STAT4: variants seen among roughly 807,000 people sequenced by gnomAD.
STAT4 encodes the protein signal transducer and activator of transcription 4.
A neutral mutation model predicts 110.5 loss-of-function variants in STAT4; 42 were observed. That is an observed-to-expected ratio of 0.38 (90% CI 0.30 to 0.49). STAT4 has a LOEUF of 0.49. Among genes scored for constraint, STAT4 ranks in the 20% least tolerant of loss-of-function variants. STAT4 has a pLI of 0.95. For missense variants in STAT4, 632 were observed against 887.9 expected (o/e 0.71, Z 3.66); for synonymous variants, 284 against 302.2 (o/e 0.94, Z 0.63).
At position 191,053,026 on chromosome 2, in the gene STAT4, A is replaced by T. The variant is rs1171726401; in HGVS notation, c.1251+1464T>A. The stretch of plus-strand genomic sequence containing the variant: ...TGATGTTTGGCAAATGATCTTTAAG[A>T]CACAATTAAGGGAATGAAGAATTCT... On this transcript the variant is annotated intron_variant, in intron 14 of 23. Coordinates refer to ENST00000392320, the MANE Select transcript of STAT4 (RefSeq NM_003151.4). The surrounding 1 kb of genome is among the most constrained non-coding windows in gnomAD (Gnocchi z 4.5). 1.3e-5 allele frequency among the ~76,000 whole-genome samples: 2 copies of T among 152,194 alleles called. No individual in the cohort carries two copies. Among genetic ancestry groups the T allele is most frequent in the African/African-American group, 4.8e-5 (2 of 41,440 alleles).
rs569711121 is a variant in STAT4, at chr2:191,136,762, A to G, written c.273+9851T>C. On this transcript the variant is annotated intron_variant, in intron 3 of 23. Coordinates refer to ENST00000392320, the MANE Select transcript of STAT4 (RefSeq NM_003151.4). ...AGAGTGAGACTCTGTATCAAAAAAGAAAAATTTGTCCTTCTTTGCTGATGA... is the reference window on the plus strand; with the variant it reads ...AGAGTGAGACTCTGTATCAAAAAAGGAAAATTTGTCCTTCTTTGCTGATGA... 3.3e-5 allele frequency among the ~76,000 whole-genome samples: 5 copies of G among 152,294 alleles called. 1 individual carries two copies. The South Asian group carries it at 1.0e-3, about 32-fold the overall frequency.
chr2:191,148,373 C>A (rs1057095783), intron 1 of STAT4, among the ~76,000 whole-genome samples, 169 bp from the exon 2 acceptor site: 2 of 151,998 alleles, frequency 1.3e-5, no homozygotes, highest in East Asian at 3.8e-4. Flanking sequence ...ATGAAGGGAG[C>A]AGCCTTCTTT....
rs1696141814 is a variant in STAT4, at chr2:191,039,892, GA to G, written c.1336-596del. 6.6e-6 allele frequency among the ~76,000 whole-genome samples: 1 copy of G among 152,150 alleles called. No homozygotes were observed. The highest frequency in any genetic ancestry group is 1.5e-5 in the Non-Finnish European group (1 of 68,034). On this transcript the variant is annotated intron_variant, in intron 15 of 23. Transcript: ENST00000392320. This position sits in a 1 kb window ranked among gnomAD's most constrained non-coding sequence, Gnocchi z 4.7. Reference sequence around the variant, plus strand: ...AACAGGCTTTTACAAATTAGCTTGGGAAACTAATCAACTTACAGTACTCTTT... The same window carrying G: ...AACAGGCTTTTACAAATTAGCTTGGGAACTAATCAACTTACAGTACTCTTT...
Position 191,115,388 on chromosome 2 carries a change from A to G in STAT4, c.273+31225T>C, listed in dbSNP as rs182806445. On this transcript the variant is annotated intron_variant, in intron 3 of 23. Coordinates refer to ENST00000392320, the MANE Select transcript of STAT4 (RefSeq NM_003151.4). ...TCTTTGGAGGTTAGGAATGGATCCA[A>G]TGAAATAAAGCAACCTTGGTGTCTC... Among the ~76,000 whole-genome samples, 46 of 152,334 alleles carry G rather than the reference A, an allele frequency of 3.0e-4. No individual in the cohort carries two copies. In the East Asian group the frequency reaches 8.1e-3, roughly 27 times the overall value.
At chr2:191,055,926 T>A (rs915921890) in intron 13 of STAT4, among the ~76,000 whole-genome samples, 2 of 152,212 alleles carry the variant, frequency 1.3e-5, no homozygotes, top group African/African-American at 4.8e-5. Flanking sequence ...TTGTTGAAAG[T>A]TCCTGGATGG....
chr2:191,114,673 A>G (rs1420812312), intron 3 of STAT4, among the ~76,000 whole-genome samples: 2 of 152,142 alleles, frequency 1.3e-5, no homozygotes, highest in Non-Finnish European at 2.9e-5. Context: ...TTTGTCTATA[A>G]TCAAAGCACT....
chr2:191,029,603 G>T lies in STAT4; in HGVS notation c.*237C>A. The T allele has an allele frequency of 1.9e-6, 1 of 513,274 alleles. No homozygotes were observed. The highest frequency in any genetic ancestry group is 3.4e-6 in the Non-Finnish European group (1 of 296,086). The allele number at this position is 513,274 out of a possible 1,614,324, so 31.8% of individuals were successfully genotyped here. A position where few individuals can be genotyped will look rare whatever the true frequency, so the allele number is the denominator to read the frequency against. ...TTCTGTTAATATTGTTATTAACACT[G>T]GTTTCTTAAAGTTGTCTTATCTTGC... On this transcript the variant is annotated 3_prime_UTR_variant, in exon 24 of 24. Transcript: ENST00000392320. The surrounding 1 kb of genome is among the most constrained non-coding windows in gnomAD (Gnocchi z 4.5).
chr2:191,125,247 G>A (rs1268688351), intron 3 of STAT4, among the ~76,000 whole-genome samples: 1 of 152,098 alleles, frequency 6.6e-6, no homozygotes, highest in African/African-American at 2.4e-5. Flanking sequence ...CAGATTAAAC[G>A]ATAGAAATCA....
Position 191,061,652 on chromosome 2 carries a change from T to C in STAT4, c.1034+77A>G. ...AAGAACAGCTGAATGCAAGCCACAA[T>C]GAGAGAAATTGGCCTTGATCATCCA... On this transcript the variant is annotated intron_variant, in intron 10 of 23. Coordinates refer to ENST00000392320, the MANE Select transcript of STAT4 (RefSeq NM_003151.4). This position sits in a 1 kb window ranked among gnomAD's most constrained non-coding sequence, Gnocchi z 6.2. 7.6e-7 allele frequency: 1 copy of C among 1,307,530 alleles called. No homozygotes were observed. Among genetic ancestry groups the C allele is most frequent in the Non-Finnish European group, 1.1e-6 (1 of 901,918 alleles). The allele number at this position is 1,307,530 out of a possible 1,614,324, so 81.0% of individuals were successfully genotyped here.
At chr2:191,064,364 C>A (rs1469532881) in intron 8 of STAT4, among the ~76,000 whole-genome samples, 1 of 152,172 alleles carries the variant, frequency 6.6e-6, no homozygotes, top group African/African-American at 2.4e-5. Context: ...CAATGGATCT[C>A]TTGAACTTAT....
In STAT4 at chr2:191,059,188, T is replaced by G. The variant is rs1383692065; in HGVS notation, c.1035-419A>C. Among the ~76,000 whole-genome samples the G allele has an allele frequency of 6.6e-6, 1 of 152,232 alleles. No individual in the cohort carries two copies. The highest frequency in any genetic ancestry group is 1.9e-4 in the East Asian group (1 of 5,206). The stretch of plus-strand genomic sequence containing the variant: ...TTTGTGAGCTTTAATGATAAGTGTT[T>G]TATGGTGAACATACTAAGACAGAAC... On this transcript the variant is annotated intron_variant, in intron 10 of 23. Coordinates refer to ENST00000392320, the MANE Select transcript of STAT4 (RefSeq NM_003151.4). This position sits in a 1 kb window ranked among gnomAD's most constrained non-coding sequence, Gnocchi z 4.7.
chr2:191,074,709 C>T (rs1482868154), intron 4 of STAT4, among the ~76,000 whole-genome samples: 1 of 152,118 alleles, frequency 6.6e-6, no homozygotes, highest in Non-Finnish European at 1.5e-5. Context: ...CTAAATCAAA[C>T]TATATGTACT....
At chr2:191,100,603 C>A (rs910574668) in intron 3 of STAT4, among the ~76,000 whole-genome samples, 3 of 152,118 alleles carry the variant, frequency 2.0e-5, no homozygotes, top group Non-Finnish European at 4.4e-5. Context: ...GTTTTGGCTT[C>A]CATGACTATT....
At chr2:191,115,691 T>C (rs1484346373) in intron 3 of STAT4, among the ~76,000 whole-genome samples, 2 of 152,218 alleles carry the variant, frequency 1.3e-5, no homozygotes, top group African/African-American at 4.8e-5. Flanking sequence ...CCATAGCTTG[T>C]TTCCAATGAG....
rs372874282 is a variant in STAT4 at position 191,035,399 on chromosome 2, T to G, written c.1570+765A>C. Among the ~76,000 whole-genome samples, 21 of 152,356 alleles carry G rather than the reference T, an allele frequency of 1.4e-4. No homozygotes were observed. The highest frequency in any genetic ancestry group is 4.8e-4 in the African/African-American group (20 of 41,576). On this transcript the variant is annotated intron_variant, in intron 17 of 23. Transcript: ENST00000392320. This position sits in a 1 kb window ranked among gnomAD's most constrained non-coding sequence, Gnocchi z 4.7. Reference sequence around the variant, plus strand: ...GCAAGTGGCAAGCATCCCAGCACCATGTGAGTCAAGCTTAAATCACACATG... The same window carrying G: ...GCAAGTGGCAAGCATCCCAGCACCAGGTGAGTCAAGCTTAAATCACACATG...
intron 5 of STAT4, among the ~76,000 whole-genome samples, chr2:191,070,584 TTTC>T (rs1311421620): frequency 6.6e-6 from 1 of 152,226 alleles, no homozygotes; most frequent in Non-Finnish European, 1.5e-5. Flanking sequence ...TGTACTTCCT[TTTC>T]TTCTTAGAAA....
At chr2:191,097,116 A>G (rs939588794) in intron 3 of STAT4, among the ~76,000 whole-genome samples, 1 of 152,236 alleles carries the variant, frequency 6.6e-6, no homozygotes, top group African/African-American at 2.4e-5. Flanking sequence ...CGACGAAATA[A>G]AAGAGAACAC....
rs376603269 is a variant in STAT4 at position 191,049,268 on chromosome 2, G to A, written c.1251+5222C>T. Among the ~76,000 whole-genome samples, 40 of 145,386 alleles carry A rather than the reference G, an allele frequency of 2.8e-4. No homozygotes were observed. In the South Asian group the frequency reaches 3.1e-3, roughly 11 times the overall value. ...CAGCTCACTGCAAGCTCTGCCTCCC[G>A]GGTTCATGCCATTCTCTTGCCTCAG... is the stretch of plus-strand genomic sequence containing the variant. On this transcript the variant is annotated intron_variant, in intron 14 of 23. Transcript: ENST00000392320.
At chr2:191,128,358 T>C (rs554062620) in intron 3 of STAT4, among the ~76,000 whole-genome samples, 1 of 152,162 alleles carries the variant, frequency 6.6e-6, no homozygotes, top group South Asian at 2.1e-4. Flanking sequence ...GTGTGGTGTA[T>C]AGAGGGGAAG....
Sources: allele counts gnomAD v4.1 joint callset (sites outside exome capture counted in the v4.1 genomes callset), GRCh38; gene constraint gnomAD v4.1.1; non-coding constraint Gnocchi (gnomAD v3.1); transcripts MANE v1.5; gene names NCBI Gene and HGNC (gene_info 2026-07-23, HGNC 2026-07-21).